Variants in AOC1 observed in about 807,000 individuals in gnomAD.
AOC1 encodes the protein amine oxidase copper containing 1, also known as diamine oxidase [copper-containing].
Under a neutral mutation model 57.1 loss-of-function variants are expected in AOC1, and 58 were observed. The observed-to-expected ratio is 1.02, with a 90% confidence interval of 0.82 to 1.26. The LOEUF (loss-of-function observed/expected upper bound fraction) is 1.26. Ranked by LOEUF, AOC1 falls within the 50% of genes most tolerant of loss-of-function variation. AOC1 has a pLI of 0.00. For missense variants in AOC1, 917 were observed against 1,005.3 expected (o/e 0.91, Z 1.19); for synonymous variants, 401 against 423.4 (o/e 0.95, Z 0.65).
At chr7:150,855,079 A>G (rs1298569399) in intron 1 of AOC1, among the ~76,000 whole-genome samples, 1 of 152,218 alleles carries the variant, frequency 6.6e-6, no homozygotes, top group South Asian at 2.1e-4. Flanking sequence ...CCACTCATGC[A>G]TCCACCTTAT....
In AOC1 at chr7:150,856,741, A is replaced by C; in HGVS notation, c.271A>C (p.Arg91=). The change falls in exon 2 of 5, where the codon AGG becomes CGG. Residue 91 remains arginine, a synonymous_variant. Transcript: ENST00000360937. The surrounding 1 kb of genome is among the most constrained non-coding windows in gnomAD (Gnocchi z 5.2). ...HVLRFLDKGE[R]HPVREARAVI... ...GCTGAGGTTTCTGGATAAAGGTGAA[A>C]GGCATCCTGTGCGGGAAGCCCGTGC... The C allele has an allele frequency of 6.2e-7, 1 of 1,614,144 alleles. No individual in the cohort carries two copies. Among genetic ancestry groups the C allele is most frequent in the Non-Finnish European group, 8.5e-7 (1 of 1,179,986 alleles).
Position 150,858,811 on chromosome 7 carries a change from C to A in AOC1, c.1619C>A (p.Thr540Asn). Reference protein sequence around the residue: ...QTLQMKLENITNPWSPRHRVV... With the variant: ...QTLQMKLENINNPWSPRHRVV... The stretch of plus-strand genomic sequence containing the variant: ...CTGCAGATGAAGCTAGAAAACATCA[C>A]CAACCCCTGGAGCCCAAGACACCGC... Residue 540 changes from threonine (T) to asparagine (N), a missense_variant, in exon 3 of 5, where the codon ACC becomes AAC. Thr to Asn is a moderately conservative substitution (Grantham distance 65). Coordinates refer to ENST00000360937, the MANE Select transcript of AOC1 (RefSeq NM_001091.4). The A allele has an allele frequency of 6.2e-7, 1 of 1,612,528 alleles. No homozygotes were observed. The highest frequency in any genetic ancestry group is 2.2e-5 in the East Asian group (1 of 44,840).
chr7:150,856,991 T>G lies in AOC1; in HGVS notation c.521T>G (p.Phe174Cys), dbSNP rs1256428367. The G allele has an allele frequency of 1.2e-6, 2 of 1,614,172 alleles. No homozygotes were observed. The highest frequency in any genetic ancestry group is 2.2e-5 in the South Asian group (2 of 91,080). ...QFFLNTTGFS[F>C]QDCHDRCLAF... ...TTCCTCAATACCACAGGCTTCTCAT[T>G]CCAAGACTGCCATGACAGATGCCTG... Residue 174 changes from phenylalanine to cysteine, a missense_variant, in exon 2 of 5, where the codon TTC (phenylalanine) becomes TGC (cysteine). Coordinates refer to ENST00000360937, the MANE Select transcript of AOC1 (RefSeq NM_001091.4). The surrounding 1 kb of genome is among the most constrained non-coding windows in gnomAD (Gnocchi z 5.2).
upstream of AOC1, chr7:150,852,271 A>G (rs1799648287): frequency 6.6e-6 from 1 of 152,224 alleles, no homozygotes; most frequent in Non-Finnish European, 1.5e-5. The surrounding 1 kb of genome is among the most constrained non-coding windows in gnomAD (Gnocchi z 4.6). Flanking sequence ...AGATCGTGGC[A>G]TTGCATGGCT....
chr7:150,858,105 G>A lies in AOC1; in HGVS notation c.1570+65G>A, dbSNP rs1469637374. On this transcript the variant is annotated intron_variant, in intron 2 of 4. Coordinates refer to ENST00000360937, the MANE Select transcript of AOC1 (RefSeq NM_001091.4). ...ATCCAGCCAATAACTTAAACTCCCA[G>A]GAGACGGCACTATAACTCCCTGGTG... The A allele has an allele frequency of 2.0e-6, 3 of 1,485,204 alleles. No individual in the cohort carries two copies. The African/African-American group carries it at 4.2e-5, about 21-fold the overall frequency. The allele number at this position is 1,485,204 out of a possible 1,614,324, so 92.0% of individuals were successfully genotyped here.
chr7:150,860,468 C>T (rs771355632), intron 3 of AOC1, 33 bp from the exon 4 acceptor site: 1 of 1,613,308 alleles, frequency 6.2e-7, no homozygotes, highest in Non-Finnish European at 8.5e-7. Flanking sequence ...AGCCCAGGGC[C>T]CTGAGCCAAG....
In AOC1 at chr7:150,860,577, C is replaced by G. The variant is rs1049793; in HGVS notation, c.1933C>G (p.His645Asp). Residue 645 changes from histidine (H) to aspartate (D), a missense_variant, in exon 4 of 5, where the codon CAC (histidine) becomes GAC (aspartate). Coordinates refer to ENST00000360937, the MANE Select transcript of AOC1 (RefSeq NM_001091.4). ...SSIYHQNDPW[H>D]PPVVFEQFLH... The stretch of plus-strand genomic sequence containing the variant: ...CATCTACCACCAGAACGACCCCTGG[C>G]ACCCGCCCGTGGTCTTTGAGCAGTT... The G allele has an allele frequency of 0.33, 532,636 of 1,613,582 alleles. 93,694 individuals are homozygous for G. Among genetic ancestry groups the G allele is most frequent in the East Asian group, 0.53 (23,900 of 44,844 alleles).
chr7:150,860,607 CACA>C lies in AOC1; in HGVS notation c.1969_1971del (p.Asn657del), dbSNP rs774830426. 6.8e-6 allele frequency: 11 copies of C among 1,613,922 alleles called. No homozygotes were observed. Among genetic ancestry groups the C allele is most frequent in the South Asian group, 5.5e-5 (5 of 91,082 alleles). On this transcript the variant is annotated inframe_deletion, in exon 4 of 5. Coordinates refer to ENST00000360937, the MANE Select transcript of AOC1 (RefSeq NM_001091.4). ...GCCCGTGGTCTTTGAGCAGTTTCTT[CACA>C]ACAACGAGAACATTGAAAATGAGGT...
chr7:150,857,739 A>G lies in AOC1; in HGVS notation c.1269A>G (p.Thr423=). ...CCCTCTGCCTCTTTGAAATGCCCAC[A>G]GGGGTGCCCCTTCGGCGGCACTTTA... ...PRALCLFEMP[T]GVPLRRHFNS... is the part of the protein sequence containing the mutation. Residue 423 remains threonine (T), a synonymous_variant, in exon 2 of 5, where the codon ACA becomes ACG. Coordinates refer to ENST00000360937, the MANE Select transcript of AOC1 (RefSeq NM_001091.4). The surrounding 1 kb of genome is among the most constrained non-coding windows in gnomAD (Gnocchi z 6.6). The G allele has an allele frequency of 6.2e-7, 1 of 1,614,168 alleles. No individual in the cohort carries two copies. Among genetic ancestry groups the G allele is most frequent in the South Asian group, 1.1e-5 (1 of 91,086 alleles).
chr7:150,857,974 C>T lies in AOC1; in HGVS notation c.1504C>T (p.His502Tyr), dbSNP rs1365383599. 6.3e-7 allele frequency: 1 copy of T among 1,591,090 alleles called. No homozygotes were observed. ...PEGLRHGTRL[H>Y]THLIGNIHTH... ...GGGGCTGCGCCACGGCACTCGCCTG[C>T]ACACCCACCTGATTGGCAACATACA... The change falls in exon 2 of 5, where the codon CAC (histidine) becomes TAC (tyrosine). Residue 502 changes from histidine (H) to tyrosine (Y), a missense_variant. Coordinates refer to ENST00000360937, the MANE Select transcript of AOC1 (RefSeq NM_001091.4). This position sits in a 1 kb window ranked among gnomAD's most constrained non-coding sequence, Gnocchi z 6.6.
chr7:150,857,250 G>A lies in AOC1; in HGVS notation c.780G>A (p.Val260=). ...AGTATGCAGATGGAGAGGTGGACGT[G>A]GTGGTCCTGGAGGACCCGCTGCCTG... The part of the protein sequence containing the change: ...ARKYADGEVD[V]VVLEDPLPGG... The change falls in exon 2 of 5, where the codon GTG becomes GTA. Residue 260 remains valine, a synonymous_variant. Transcript: ENST00000360937. This position sits in a 1 kb window ranked among gnomAD's most constrained non-coding sequence, Gnocchi z 6.6. 1 of 1,611,282 alleles carries A rather than the reference G, an allele frequency of 6.2e-7. No individual in the cohort carries two copies. The highest frequency in any genetic ancestry group is 1.7e-5 in the Admixed American group (1 of 59,820).
chr7:150,852,410 C>G (rs1247829990), upstream of AOC1: 1 of 152,456 alleles, frequency 6.6e-6, no homozygotes, highest in Non-Finnish European at 1.5e-5. The surrounding 1 kb of genome is among the most constrained non-coding windows in gnomAD (Gnocchi z 4.6). Flanking sequence ...CACAGAGGCA[C>G]CTCCCAAGCC....
rs774524565 is a variant in AOC1 at position 150,856,675 on chromosome 7, G to A, written c.205G>A (p.Val69Met). Reference sequence around the variant, plus strand: ...TACCACCACCATGGCCAAGAACACCGTGTTTCTCATCGAGATGCTGCTGCC... The same window carrying A: ...TACCACCACCATGGCCAAGAACACCATGTTTCTCATCGAGATGCTGCTGCC... ...SSTTTMAKNT[V>M]FLIEMLLPKK... The change falls in exon 2 of 5, where the codon GTG (valine) becomes ATG (methionine). Residue 69 changes from valine (V) to methionine (M), a missense_variant. Physicochemically the swap from Val to Met is conservative, Grantham distance 21. Coordinates refer to ENST00000360937, the MANE Select transcript of AOC1 (RefSeq NM_001091.4). This position sits in a 1 kb window ranked among gnomAD's most constrained non-coding sequence, Gnocchi z 5.2. 3.0e-5 allele frequency: 49 copies of A among 1,614,060 alleles called. No homozygotes were observed. The Middle Eastern group carries it at 9.9e-4, about 32-fold the overall frequency.
In AOC1 at chr7:150,857,069, G is replaced by A. The variant is rs371999016; in HGVS notation, c.599G>A (p.Trp200Ter). The change falls in exon 2 of 5, where the codon TGG becomes TAG. Residue 200 changes from tryptophan to a stop codon, truncating the protein, a stop_gained. Coordinates refer to ENST00000360937, the MANE Select transcript of AOC1 (RefSeq NM_001091.4). LOFTEE classifies it high-confidence loss of function. This position sits in a 1 kb window ranked among gnomAD's most constrained non-coding sequence, Gnocchi z 6.6. ...GTGGCTTCTGGCCAGCGCCGCAGTT[G>A]GCTTATCATACAGCGCTATGTAGAA... Reference protein sequence around the residue: ...RGVASGQRRSWLIIQRYVEGY... With the variant: ...RGVASGQRRS The A allele has an allele frequency of 2.9e-5, 46 of 1,613,992 alleles. No individual in the cohort carries two copies. Among genetic ancestry groups the A allele is most frequent in the Non-Finnish European group, 3.7e-5 (44 of 1,180,006 alleles).
At chr7:150,858,205 T>C (rs1799854623) in intron 2 of AOC1, among the ~76,000 whole-genome samples, 165 bp downstream of exon 2, 1 of 152,016 alleles carries the variant, frequency 6.6e-6, no homozygotes, top group Non-Finnish European at 1.5e-5. Flanking sequence ...CCCTGAAAAA[T>C]GGTGAAAGCG....
At position 150,860,508 on chromosome 7, in the gene AOC1, CT is replaced by C; in HGVS notation, c.1865del (p.Leu622ArgfsTer3). On this transcript the variant is annotated frameshift_variant, in exon 4 of 5. Transcript: ENST00000360937. LOFTEE classifies it high-confidence loss of function. ...EQAITWARYP[L>X]AVTKYRESEL... ...TTCGCCTGTGCCTGGCAGGTACCCC[CT>C]GGCAGTGACCAAGTACCGGGAGTCG... 1.7e-5 allele frequency: 27 copies of C among 1,614,034 alleles called. No individual in the cohort carries two copies. The highest frequency in any genetic ancestry group is 2.3e-5 in the Non-Finnish European group (27 of 1,179,930).
intron 1 of AOC1, among the ~76,000 whole-genome samples, chr7:150,854,386 G>A (rs956587381): frequency 3.9e-5 from 6 of 152,190 alleles, no homozygotes; most frequent in Non-Finnish European, 8.8e-5. Context: ...GAGAGCCCTC[G>A]GGTGATGGAA....
Position 150,857,475 on chromosome 7 carries a change from G to A in AOC1, c.1005G>A (p.Gln335=), listed in dbSNP as rs377335071. ...GGCTGCGCTCCTCCTCCGGGCTGCA[G>A]GTCCTGAACGTGCACTTCGGCGGAG... ...AFRLRSSSGL[Q]VLNVHFGGER... Residue 335 remains glutamine, a synonymous_variant, in exon 2 of 5, where the codon CAG becomes CAA. Coordinates refer to ENST00000360937, the MANE Select transcript of AOC1 (RefSeq NM_001091.4). The surrounding 1 kb of genome is among the most constrained non-coding windows in gnomAD (Gnocchi z 6.6). The A allele has an allele frequency of 6.1e-5, 98 of 1,612,954 alleles. No homozygotes were observed. Among genetic ancestry groups the A allele is most frequent in the Non-Finnish European group, 8.0e-5 (94 of 1,179,768 alleles).
In AOC1 at chr7:150,857,372, G is replaced by A. The variant is rs769572318; in HGVS notation, c.902G>A (p.Arg301His). Residue 301 changes from arginine (R) to histidine (H), a missense_variant, in exon 2 of 5, where the codon CGC becomes CAC. Transcript: ENST00000360937. This position sits in a 1 kb window ranked among gnomAD's most constrained non-coding sequence, Gnocchi z 6.6. The part of the protein sequence containing the change: ...FPSPIHVSGP[R>H]LVQPHGPRFR... ...AGCCCCATCCATGTGAGCGGCCCCC[G>A]CTTGGTCCAGCCCCACGGCCCTCGC... 20 of 1,607,966 alleles carry A rather than the reference G, an allele frequency of 1.2e-5. No homozygotes were observed. The highest frequency in any genetic ancestry group is 6.6e-5 in the South Asian group (6 of 90,860).
Sources: allele counts gnomAD v4.1 joint callset (sites outside exome capture counted in the v4.1 genomes callset), GRCh38; gene constraint gnomAD v4.1.1; non-coding constraint Gnocchi (gnomAD v3.1); transcripts MANE v1.5; gene names NCBI Gene and HGNC (gene_info 2026-07-23, HGNC 2026-07-21).